Variants in ST6GALNAC3 observed in about 807,000 individuals in gnomAD.
ST6GALNAC3 encodes ST6 N-acetylgalactosaminide alpha-2,6-sialyltransferase 3.
In ST6GALNAC3, 25 loss-of-function variants were observed where a neutral mutation model predicts 32.7. That is an observed-to-expected ratio of 0.76 (90% CI 0.56 to 1.07). ST6GALNAC3 has a LOEUF of 1.07. Ranked by LOEUF, ST6GALNAC3 falls within the 50% of genes least tolerant of loss-of-function variation. The pLI, the probability that ST6GALNAC3 is intolerant of heterozygous loss-of-function variation, is 0.00. For synonymous variants in ST6GALNAC3, 129 were observed against 133.1 expected (o/e 0.97, Z 0.21); for missense variants, 355 against 382.4 (o/e 0.93, Z 0.60).
chr1:76,253,666 A>G (rs770376663), intron 1 of ST6GALNAC3, among the ~76,000 whole-genome samples: 1 of 152,134 alleles, frequency 6.6e-6, no homozygotes, highest in Non-Finnish European at 1.5e-5. Context: ...TTATTGATGC[A>G]ATTACATTAA....
At chr1:76,514,178 A>T (rs895089425) in intron 3 of ST6GALNAC3, among the ~76,000 whole-genome samples, 6 of 152,262 alleles carry the variant, frequency 3.9e-5, no homozygotes, top group African/African-American at 1.4e-4. Context: ...TGCTCTGGCA[A>T]GCACATTCAG....
Position 76,313,915 on chromosome 1 carries a change from T to G in ST6GALNAC3, c.129T>G (p.Pro43=). The G allele has an allele frequency of 1.9e-6, 3 of 1,613,680 alleles. No homozygotes were observed. In the South Asian group the frequency reaches 3.3e-5, roughly 18 times the overall value. Residue 43 remains proline, a synonymous_variant, in exon 2 of 5, where the codon CCT becomes CCG. Coordinates refer to ENST00000328299, the MANE Select transcript of ST6GALNAC3 (RefSeq NM_152996.4). ...FPLLLNCFGQ[P]GTKWIPFSYT... ...TGCTACTAAACTGCTTTGGACAACC[T>G]GGTACAAAGTGGATACCATTCTCCT... is the stretch of plus-strand genomic sequence containing the variant.
At chr1:76,419,772 C>T (rs111491779) in intron 3 of ST6GALNAC3, among the ~76,000 whole-genome samples, 3 of 152,118 alleles carry the variant, frequency 2.0e-5, no homozygotes, top group African/African-American at 7.2e-5. Flanking sequence ...TTTCAAAATA[C>T]CTTTCACTGT....
chr1:76,154,778 A>G (rs1027140465), intron 1 of ST6GALNAC3, among the ~76,000 whole-genome samples: 27 of 152,134 alleles, frequency 1.8e-4, no homozygotes, highest in African/African-American at 6.3e-4. Flanking sequence ...TTTTCTATTG[A>G]GGGAGGATTT....
intron 3 of ST6GALNAC3, chr1:76,577,432 T>G (rs1646828902): frequency 8.8e-6 from 4 of 452,346 alleles, no homozygotes; most frequent in Non-Finnish European, 1.2e-5. Context: ...GCTCACTAAT[T>G]CATGCCATGC....
intron 3 of ST6GALNAC3, among the ~76,000 whole-genome samples, chr1:76,545,970 T>G (rs1247317894): frequency 6.6e-6 from 1 of 152,176 alleles, no homozygotes; most frequent in Non-Finnish European, 1.5e-5. Context: ...AAGAAACGTT[T>G]TACAGATGAA....
Position 76,358,108 on chromosome 1 carries a change from A to G in ST6GALNAC3, c.213+44109A>G, listed in dbSNP as rs60123775. Among the ~76,000 whole-genome samples the G allele has an allele frequency of 6.8e-3, 1,037 of 152,184 alleles. 7 individuals are homozygous for G. Among genetic ancestry groups the G allele is most frequent in the African/African-American group, 0.024 (1,014 of 41,522 alleles). On this transcript the variant is annotated intron_variant, in intron 2 of 4. Transcript: ENST00000328299. ...CCTCAGTGCATAGGGTATGTCTCGAATCTCTCCATCTCTTTTGCTGGCTTT... is the reference window on the plus strand; with the variant it reads ...CCTCAGTGCATAGGGTATGTCTCGAGTCTCTCCATCTCTTTTGCTGGCTTT...
intron 3 of ST6GALNAC3, among the ~76,000 whole-genome samples, chr1:76,554,223 C>G (rs957984165): frequency 2.0e-5 from 3 of 152,122 alleles, no homozygotes; most frequent in African/African-American, 7.2e-5. Flanking sequence ...TAGTTGGGTA[C>G]TAAATCTACA....
chr1:76,577,751 T>C (rs1444618242), intron 3 of ST6GALNAC3, among the ~76,000 whole-genome samples: 2 of 152,020 alleles, frequency 1.3e-5, no homozygotes, highest in Admixed American at 6.6e-5. Flanking sequence ...CCGGCAGAAT[T>C]GTATTAATGG....
intron 2 of ST6GALNAC3, among the ~76,000 whole-genome samples, chr1:76,384,566 C>A (rs1044518203): frequency 2.0e-5 from 3 of 151,972 alleles, no homozygotes; most frequent in African/African-American, 7.2e-5. Flanking sequence ...AACTCTACAT[C>A]TAAAAGCTAC....
At chr1:76,201,821 A>C (rs543887237) in intron 1 of ST6GALNAC3, among the ~76,000 whole-genome samples, 1 of 152,184 alleles carries the variant, frequency 6.6e-6, no homozygotes, top group Non-Finnish European at 1.5e-5. Context: ...TAACAGAAAG[A>C]CATACAAAAA....
chr1:76,418,479 A>G (rs536797994), intron 3 of ST6GALNAC3, among the ~76,000 whole-genome samples: 15 of 152,246 alleles, frequency 9.9e-5, no homozygotes, highest in Admixed American at 9.8e-4. Context: ...GCCCGAAGAA[A>G]TGCCATACCT....
intron 1 of ST6GALNAC3, among the ~76,000 whole-genome samples, chr1:76,306,340 A>T (rs1661051732): frequency 6.6e-6 from 1 of 152,120 alleles, no homozygotes; most frequent in African/African-American, 2.4e-5. Flanking sequence ...TGGAATGGGT[A>T]TGTCTTCCTC....
intron 2 of ST6GALNAC3, among the ~76,000 whole-genome samples, chr1:76,404,449 G>A (rs1653670063): frequency 1.3e-5 from 2 of 151,970 alleles, no homozygotes; most frequent in African/African-American, 2.4e-5. Context: ...CCTGAAACAC[G>A]GGAAAAATTA....
At chr1:76,372,211 G>A (rs1650878528) in intron 2 of ST6GALNAC3, among the ~76,000 whole-genome samples, 4 of 152,154 alleles carry the variant, frequency 2.6e-5, no homozygotes, top group African/African-American at 9.7e-5. Context: ...GACTGATTAA[G>A]AGCTCTGCCT....
chr1:76,378,958 G>A (rs931592359), intron 2 of ST6GALNAC3, among the ~76,000 whole-genome samples: 2 of 152,076 alleles, frequency 1.3e-5, no homozygotes, highest in Non-Finnish European at 2.9e-5. Flanking sequence ...GTGCAGTGGC[G>A]CGATCTTGGC....
chr1:76,498,757 C>T (rs1196416860), intron 3 of ST6GALNAC3, among the ~76,000 whole-genome samples: 2 of 151,054 alleles, frequency 1.3e-5, no homozygotes, highest in Non-Finnish European at 1.5e-5. Flanking sequence ...GAAATTTCCT[C>T]TTTGTAAAGG....
intron 2 of ST6GALNAC3, 122 bp downstream of exon 2, chr1:76,314,121 T>A (rs1646822592): frequency 3.6e-6 from 3 of 832,080 alleles, no homozygotes; most frequent in South Asian, 2.3e-5. Flanking sequence ...CTTGCTTGGG[T>A]CCCTGACAAC....
At chr1:76,607,638 G>C (rs1055823102) in intron 3 of ST6GALNAC3, among the ~76,000 whole-genome samples, 1 of 152,186 alleles carries the variant, frequency 6.6e-6, no homozygotes, top group African/African-American at 2.4e-5. Context: ...GGACCTCTCT[G>C]CCGGGGATTT....
Sources: gnomAD v4.1 joint callset for allele counts (sites outside exome capture counted in the v4.1 genomes callset) on GRCh38, gnomAD v4.1.1 for gene constraint, MANE v1.5 for transcripts, NCBI Gene and HGNC (gene_info 2026-07-23, HGNC 2026-07-21) for gene names.